The following PRH1 variants were observed in gnomAD, a reference collection of about 807,000 sequenced individuals.
PRH1 encodes proline rich protein HaeIII subfamily 1.
Under a neutral mutation model 7.9 loss-of-function variants are expected in PRH1, and 7 were observed. The ratio of observed to expected loss-of-function variants is 0.89; its 90% confidence interval spans 0.50 to 1.67. The LOEUF (loss-of-function observed/expected upper bound fraction) is 1.67, where lower values mean the gene tolerates loss of function less well. PRH1 is among the 40% of genes most tolerant of loss of function. PRH1 has a pLI of 0.00. For missense variants in PRH1, 109 were observed against 223.6 expected (o/e 0.49, Z 3.27); for synonymous variants, 45 against 80.8 (o/e 0.56, Z 2.38).
rs528431533 is a variant in PRH1, at chr12:11,061,161, G to A, written n.124-13973C>T. 2.2e-4 allele frequency among the ~76,000 whole-genome samples: 33 copies of A among 147,906 alleles called. No homozygotes were observed. The East Asian group carries it at 6.3e-3, about 28-fold the overall frequency. ...AGTATGTCACTGTCAATGTTCTTTT[G>A]TTTTTCATACAAACATACACACAAA... On this transcript the variant is annotated intron_variant and non_coding_transcript_variant, in intron 1 of 4. Transcript: ENST00000541977.
intron 1 of PRH1, among the ~76,000 whole-genome samples, chr12:11,012,350 A>G (rs1467791346): frequency 6.6e-6 from 1 of 152,124 alleles, no homozygotes; most frequent in African/African-American, 2.4e-5. Context: ...CTATGATCTG[A>G]GACTCCATTT....
intron 1 of PRH1, among the ~76,000 whole-genome samples, chr12:11,126,960 G>A (rs921259288): frequency 8.8e-6 from 1 of 113,584 alleles, no homozygotes; most frequent in African/African-American, 3.0e-5. Flanking sequence ...TACCATGTCC[G>A]CATTTTTTAA....
chr12:11,128,610 G>T (rs1393479215), intron 1 of PRH1, among the ~76,000 whole-genome samples: 2 of 149,044 alleles, frequency 1.3e-5, no homozygotes, highest in South Asian at 4.3e-4. Flanking sequence ...CCAGGTGGTG[G>T]TGGCACGCAC....
chr12:11,123,691 ATT>A (rs1945996219), intron 1 of PRH1, among the ~76,000 whole-genome samples: 2 of 151,208 alleles, frequency 1.3e-5, no homozygotes, highest in Non-Finnish European at 3.0e-5. Flanking sequence ...TGTAGCATGA[ATT>A]TGTTACCCTC....
intron 1 of PRH1, among the ~76,000 whole-genome samples, chr12:11,128,653 G>C (rs942212624): frequency 6.6e-6 from 1 of 152,124 alleles, no homozygotes; most frequent in Non-Finnish European, 1.5e-5. Flanking sequence ...ACTGCAGCAG[G>C]AGAATCATTT....
At chr12:10,965,061 C>A in intron 2 of PRH1, 1 of 1,094,440 alleles carries the variant, frequency 9.1e-7, no homozygotes, top group African/African-American at 1.6e-5. Flanking sequence ...CTAGTAGCAA[C>A]CCAGATGCTG....
chr12:11,145,129 T>C (rs1319991841), intron 1 of PRH1, among the ~76,000 whole-genome samples: 1 of 152,200 alleles, frequency 6.6e-6, no homozygotes, highest in Non-Finnish European at 1.5e-5. Flanking sequence ...CCCCCGAAAC[T>C]CTGTAGTGTT....
At position 10,995,779 on chromosome 12, in the gene PRH1, A is replaced by C. The variant is rs78871098; in HGVS notation, c.-125-22058T>G. On this transcript the variant is annotated intron_variant, in intron 1 of 3. Transcript: ENST00000539853. ...TCAAAAAGGTTTTTGTTTAATTCAAAAACTGGAAGAGATGACTTTTCTAAT... is the reference window on the plus strand; with the variant it reads ...TCAAAAAGGTTTTTGTTTAATTCAACAACTGGAAGAGATGACTTTTCTAAT... Among the ~76,000 whole-genome samples, 595 of 152,262 alleles carry C rather than the reference A, an allele frequency of 3.9e-3. 1 individual carries two copies. Among genetic ancestry groups the C allele is most frequent in the African/African-American group, 0.014 (566 of 41,568 alleles).
intron 1 of PRH1, among the ~76,000 whole-genome samples, chr12:11,016,393 C>G (rs1447488015): frequency 6.6e-6 from 1 of 152,222 alleles, no homozygotes; most frequent in Admixed American, 6.5e-5. Flanking sequence ...CGGCCAGCAA[C>G]GGACTCGCAT....
intron 1 of PRH1, chr12:11,133,701 G>A (rs79264600): frequency 5.0e-6 from 8 of 1,614,098 alleles, no homozygotes. Context: ...AAGTTTGCTA[G>A]CATGGTTAGA....
chr12:10,993,184 T>C (rs1264582061), intron 1 of PRH1, among the ~76,000 whole-genome samples: 1 of 152,180 alleles, frequency 6.6e-6, no homozygotes, highest in African/African-American at 2.4e-5. Context: ...TCTGGTTCTT[T>C]GTATGAGGCG....
chr12:11,166,262 C>T (rs1451783578), intron 1 of PRH1: 1 of 152,366 alleles, frequency 6.6e-6, no homozygotes, highest in East Asian at 1.9e-4. Flanking sequence ...CTTCCTGCAG[C>T]AAATGGGTTT....
chr12:11,005,531 A>G (rs908353803), intron 1 of PRH1, among the ~76,000 whole-genome samples: 5 of 152,164 alleles, frequency 3.3e-5, no homozygotes, highest in African/African-American at 1.2e-4. Flanking sequence ...AAAAGAATCC[A>G]AGGTTTTCTT....
chr12:11,056,388 T>C (rs1171964812), intron 1 of PRH1, among the ~76,000 whole-genome samples: 2 of 151,644 alleles, frequency 1.3e-5, no homozygotes, highest in African/African-American at 4.8e-5. Flanking sequence ...GATTTTTATT[T>C]CCTTTCAGTT....
chr12:10,932,372 C>T (rs1404585680), intron 2 of PRH1: 2 of 259,500 alleles, frequency 7.7e-6, no homozygotes, highest in Non-Finnish European at 1.7e-5. Flanking sequence ...GAATCTGAGA[C>T]CCATGTTCAC....
intron 1 of PRH1, among the ~76,000 whole-genome samples, chr12:11,145,441 C>T (rs1946833440): frequency 6.6e-6 from 1 of 152,168 alleles, no homozygotes; most frequent in Non-Finnish European, 1.5e-5. Context: ...AATCTATCCT[C>T]CTTGGCCTCC....
intron 2 of PRH1, among the ~76,000 whole-genome samples, chr12:10,952,892 G>A (rs573226858): frequency 2.0e-5 from 3 of 152,106 alleles, no homozygotes; most frequent in African/African-American, 7.2e-5. Context: ...GAAGAGCTTT[G>A]GCTGGTACCA....
chr12:11,132,508 T>C (rs1229419717), intron 1 of PRH1, among the ~76,000 whole-genome samples: 1 of 151,930 alleles, frequency 6.6e-6, no homozygotes, highest in Non-Finnish European at 1.5e-5. Context: ...TTTTCTTTAA[T>C]TGAAAAGCTG....
intron 1 of PRH1, among the ~76,000 whole-genome samples, chr12:10,978,167 C>T (rs2084650): frequency 0.45 from 68,769 of 151,310 alleles, 16,394 homozygotes; most frequent in Non-Finnish European, 0.52. Flanking sequence ...CTTTGAACCA[C>T]ACTGCAAGGC....
Sources: gnomAD v4.1 joint callset for allele counts (sites outside exome capture counted in the v4.1 genomes callset) on GRCh38, gnomAD v4.1.1 for gene constraint, MANE v1.5 for transcripts, NCBI Gene and HGNC (gene_info 2026-07-23, HGNC 2026-07-21) for gene names.